Variants in DZIP1 observed in about 807,000 individuals in gnomAD.
The protein encoded by DZIP1 is cilium assembly protein DZIP1.
Under a neutral mutation model 107.6 loss-of-function variants are expected in DZIP1, and 97 were observed. The ratio of observed to expected loss-of-function variants is 0.90; its 90% CI spans 0.77 to 1.07. DZIP1 has a LOEUF of 1.07. DZIP1 is among the 50% of genes least tolerant of loss of function. The pLI is 0.00. For synonymous variants in DZIP1, 390 were observed against 386.4 expected (o/e 1.01, Z -0.11); for missense variants, 1,035 against 1,063.6 (o/e 0.97, Z 0.37).
intron 10 of DZIP1, among the ~76,000 whole-genome samples, chr13:95,617,194 T>G (rs1875210072): frequency 1.4e-5 from 2 of 147,144 alleles, no homozygotes; most frequent in South Asian, 4.4e-4. Context: ...AGAGTGAGAC[T>G]CTGTCTCACC....
chr13:95,601,396 G>T (rs2044613897), intron 14 of DZIP1, among the ~76,000 whole-genome samples: 1 of 152,178 alleles, frequency 6.6e-6, no homozygotes, highest in Non-Finnish European at 1.5e-5. Context: ...ACACTCAGAG[G>T]TCTGAGTCTC....
chr13:95,589,067 C>A, intron 19 of DZIP1, 87 bp downstream of exon 19: 1 of 1,065,180 alleles, frequency 9.4e-7, no homozygotes, highest in South Asian at 1.4e-5. Flanking sequence ...CTTCATTCAA[C>A]CATAATGAGC....
At chr13:95,622,080 G>A (rs1001939053) in intron 9 of DZIP1, among the ~76,000 whole-genome samples, 1 of 152,160 alleles carries the variant, frequency 6.6e-6, no homozygotes, top group Non-Finnish European at 1.5e-5. Flanking sequence ...GAATAGCTAG[G>A]TTATACTAAC....
chr13:95,622,581 GCC>G, intron 8 of DZIP1, 101 bp from the exon 9 acceptor site: 2 of 1,401,166 alleles, frequency 1.4e-6, no homozygotes, highest in Non-Finnish European at 2.0e-6. Flanking sequence ...AAATCTGACT[GCC>G]CTCTTGGACG....
chr13:95,612,401 G>A (rs1234602932), intron 10 of DZIP1, among the ~76,000 whole-genome samples: 1 of 152,190 alleles, frequency 6.6e-6, no homozygotes, highest in Non-Finnish European at 1.5e-5. Flanking sequence ...AGACAACACT[G>A]ATAATGGGAG....
rs2044112968 is a variant in DZIP1, at chr13:95,584,775, C to T, written c.2485G>A (p.Ala829Thr). 6.2e-7 allele frequency: 1 copy of T among 1,613,972 alleles called. No individual in the cohort carries two copies. The highest frequency in any genetic ancestry group is 1.3e-5 in the African/African-American group (1 of 74,930). Residue 829 changes from alanine (A) to threonine (T), a missense_variant, in exon 22 of 23, where the codon GCC becomes ACC. Transcript: ENST00000376829. The part of the protein sequence containing the change: ...NEPHFAHVLN[A>T]WGAFNPKGPK... ...CCCTTAGGATTAAATGCGCCCCAGG[C>T]ATTTAGCACATGAGCAAAATGTGGT... is the stretch of plus-strand genomic sequence containing the variant.
chr13:95,638,451 T>G (rs1878081796), intron 5 of DZIP1, among the ~76,000 whole-genome samples: 1 of 152,106 alleles, frequency 6.6e-6, no homozygotes. Context: ...TATGCACTTT[T>G]TTGTATGTTT....
chr13:95,608,353 T>C (rs916893920), intron 13 of DZIP1, among the ~76,000 whole-genome samples: 9 of 151,198 alleles, frequency 6.0e-5, no homozygotes, highest in Admixed American at 3.3e-4. Context: ...TATTAATATA[T>C]AAAAAGAACC....
chr13:95,630,113 T>G lies in DZIP1; in HGVS notation c.686A>C (p.Glu229Ala). The change falls in exon 7 of 23, where the codon GAG becomes GCG. Residue 229 changes from glutamate (E) to alanine (A), a missense_variant and splice_region_variant. Coordinates refer to ENST00000376829, the MANE Select transcript of DZIP1 (RefSeq NM_198968.4). Reference sequence around the variant, plus strand: ...CTCAATCTGTGCATTTTTCTGATACTCTGTTGCAACAGAAAATCGTGTTAA... The same window carrying G: ...CTCAATCTGTGCATTTTTCTGATACGCTGTTGCAACAGAAAATCGTGTTAA... The part of the protein sequence containing the change: ...RRHTEENSHF[E>A]YQKNAQIEKL... 1 of 1,609,116 alleles carries G rather than the reference T, an allele frequency of 6.2e-7. No homozygotes were observed. Among genetic ancestry groups the G allele is most frequent in the Non-Finnish European group, 8.5e-7 (1 of 1,178,338 alleles).
At chr13:95,590,857 G>A (rs550758249) in intron 16 of DZIP1, among the ~76,000 whole-genome samples, 1 of 152,160 alleles carries the variant, frequency 6.6e-6, no homozygotes, top group South Asian at 2.1e-4. Context: ...GGACACCTGT[G>A]AGAAAGGAAG....
intron 14 of DZIP1, among the ~76,000 whole-genome samples, chr13:95,600,201 G>C (rs541653596): frequency 6.6e-6 from 1 of 152,182 alleles, no homozygotes; most frequent in African/African-American, 2.4e-5. Context: ...TGAAGGTCAG[G>C]TTTTAGGTGA....
chr13:95,583,706 A>G (rs890198121), intron 22 of DZIP1, among the ~76,000 whole-genome samples: 12 of 152,214 alleles, frequency 7.9e-5, no homozygotes, highest in Non-Finnish European at 1.6e-4. Context: ...AAAAATATTT[A>G]ATAGGGAAAC....
intron 5 of DZIP1, among the ~76,000 whole-genome samples, chr13:95,635,299 C>T (rs761439567): frequency 1.3e-5 from 2 of 150,552 alleles, no homozygotes; most frequent in Admixed American, 6.7e-5. Flanking sequence ...CAGGTTCAAG[C>T]GATTCTCCTG....
chr13:95,611,319 G>A (rs535775281), intron 12 of DZIP1, 126 bp downstream of exon 12: 195 of 714,976 alleles, frequency 2.7e-4, no homozygotes, highest in Non-Finnish European at 4.0e-4. Context: ...ACAGATCTAC[G>A]AAATCAATAC....
intron 16 of DZIP1, among the ~76,000 whole-genome samples, chr13:95,591,018 ACTT>A (rs1233373724): frequency 2.7e-5 from 4 of 147,754 alleles, no homozygotes; most frequent in South Asian, 2.1e-4. Flanking sequence ...ATCAGAGGTG[ACTT>A]CTTTTTTTTT....
chr13:95,611,355 A>G, intron 12 of DZIP1, 90 bp downstream of exon 12: 5 of 949,354 alleles, frequency 5.3e-6, no homozygotes, highest in Non-Finnish European at 8.5e-6. Context: ...ATCTTAGCAC[A>G]CATAAACAAG....
At chr13:95,594,393 A>G (rs1472831166) in intron 15 of DZIP1, among the ~76,000 whole-genome samples, 1 of 152,186 alleles carries the variant, frequency 6.6e-6, no homozygotes, top group Non-Finnish European at 1.5e-5. Context: ...TAGGAGTTTA[A>G]TGTTTTATCA....
chr13:95,638,153 G>A (rs1319241792), intron 5 of DZIP1, among the ~76,000 whole-genome samples: 1 of 144,756 alleles, frequency 6.9e-6, no homozygotes, highest in Non-Finnish European at 1.5e-5. Flanking sequence ...GCAATGGCGT[G>A]ATCCCAGCTC....
At chr13:95,598,132 C>T (rs1306266577) in intron 15 of DZIP1, among the ~76,000 whole-genome samples, 1 of 152,184 alleles carries the variant, frequency 6.6e-6, no homozygotes, top group Admixed American at 6.5e-5. Context: ...TTTAATGTAC[C>T]TATAGTCACT....
Sources: allele counts gnomAD v4.1 joint callset (sites outside exome capture counted in the v4.1 genomes callset), GRCh38; gene constraint gnomAD v4.1.1; transcripts MANE v1.5; gene names NCBI Gene and HGNC (gene_info 2026-07-23, HGNC 2026-07-21).